Variants in CLSTN2 observed in about 807,000 individuals in gnomAD.
CLSTN2 encodes calsyntenin 2.
CLSTN2 carries 48 observed loss-of-function variants against 101.2 expected under a neutral mutation model. The ratio of observed to expected loss-of-function variants is 0.47; its 90% CI spans 0.38 to 0.60. The LOEUF (loss-of-function observed/expected upper bound fraction) is 0.60, where lower values mean the gene tolerates loss of function less well. Among genes scored for constraint, CLSTN2 ranks in the 20% least tolerant of loss-of-function variants. The pLI, the probability that CLSTN2 is intolerant of heterozygous loss-of-function variation, is 0.00. For synonymous variants in CLSTN2, 481 were observed against 463.6 expected (o/e 1.04, Z -0.48); for missense variants, 1,160 against 1,238.2 (o/e 0.94, Z 0.95).
intron 1 of CLSTN2, among the ~76,000 whole-genome samples, chr3:140,144,325 G>A (rs1378979605): frequency 6.6e-6 from 1 of 152,134 alleles, no homozygotes; most frequent in Non-Finnish European, 1.5e-5. Flanking sequence ...TACTTAAAAT[G>A]GGCCGGGTGT....
At chr3:140,324,205 T>TA (rs1231311676) in intron 2 of CLSTN2, among the ~76,000 whole-genome samples, 2 of 152,224 alleles carry the variant, frequency 1.3e-5, no homozygotes, top group African/African-American at 4.8e-5. Flanking sequence ...CTCAGTTATT[T>TA]AAAAATTGTC....
intron 1 of CLSTN2, among the ~76,000 whole-genome samples, chr3:140,137,608 G>A (rs1261253961): frequency 1.3e-5 from 2 of 152,206 alleles, no homozygotes; most frequent in Non-Finnish European, 2.9e-5. Flanking sequence ...GTAATGACGA[G>A]ATTTGAATGT....
At chr3:140,126,603 A>G (rs1480517390) in intron 1 of CLSTN2, among the ~76,000 whole-genome samples, 2 of 152,164 alleles carry the variant, frequency 1.3e-5, no homozygotes, top group African/African-American at 2.4e-5. Context: ...TTTGGAGATC[A>G]GGGAGGGATA....
chr3:140,257,901 G>T (rs565807812), intron 2 of CLSTN2, among the ~76,000 whole-genome samples: 2 of 152,232 alleles, frequency 1.3e-5, no homozygotes, highest in South Asian at 2.1e-4. Context: ...TGGGTCAAAA[G>T]ATATAAACAT....
chr3:140,102,442 C>A (rs978081481), intron 1 of CLSTN2, among the ~76,000 whole-genome samples: 1 of 152,182 alleles, frequency 6.6e-6, no homozygotes, highest in East Asian at 1.9e-4. Context: ...GAGCAGGTGA[C>A]TTCAGGCCCT....
At chr3:140,531,108 G>C (rs771756093) in intron 8 of CLSTN2, among the ~76,000 whole-genome samples, 1 of 152,156 alleles carries the variant, frequency 6.6e-6, no homozygotes, top group Non-Finnish European at 1.5e-5. Flanking sequence ...CCTGCACCCA[G>C]CCCAGGGTTT....
chr3:140,551,265 T>C (rs1379089320), intron 10 of CLSTN2, among the ~76,000 whole-genome samples: 2 of 152,172 alleles, frequency 1.3e-5, no homozygotes, highest in East Asian at 1.9e-4. Context: ...GTCGAGAGAA[T>C]TGAGGCCCTT....
intron 2 of CLSTN2, among the ~76,000 whole-genome samples, chr3:140,346,906 A>C (rs748156074): frequency 2.0e-5 from 3 of 152,238 alleles, no homozygotes; most frequent in Non-Finnish European, 2.9e-5. Flanking sequence ...CCTTACCTAA[A>C]CTAGTAGCAC....
chr3:140,518,468 C>T (rs923579195), intron 8 of CLSTN2, among the ~76,000 whole-genome samples: 5 of 152,208 alleles, frequency 3.3e-5, no homozygotes, highest in African/African-American at 9.6e-5. Flanking sequence ...TCTTAGAGAG[C>T]CCCCAGGGCT....
At chr3:140,207,285 G>A (rs1262245408) in intron 2 of CLSTN2, among the ~76,000 whole-genome samples, 2 of 152,172 alleles carry the variant, frequency 1.3e-5, no homozygotes, top group Non-Finnish European at 2.9e-5. Context: ...GTATGCCTTA[G>A]TAAGAAACTT....
chr3:139,969,618 G>A (rs1935660269), intron 1 of CLSTN2, among the ~76,000 whole-genome samples: 1 of 152,110 alleles, frequency 6.6e-6, no homozygotes, highest in South Asian at 2.1e-4. Flanking sequence ...CTCCCTGTTA[G>A]TCTGCAAAAC....
At chr3:140,477,228 G>C (rs911840105) in intron 8 of CLSTN2, among the ~76,000 whole-genome samples, 2 of 152,168 alleles carry the variant, frequency 1.3e-5, no homozygotes, top group African/African-American at 2.4e-5. Flanking sequence ...CTACTCATTA[G>C]TTTAGCTAAA....
chr3:140,525,545 G>A (rs894767612), intron 8 of CLSTN2, among the ~76,000 whole-genome samples: 3 of 152,108 alleles, frequency 2.0e-5, no homozygotes, highest in Non-Finnish European at 4.4e-5. Context: ...CCAAAAAATT[G>A]AAGAGAAGGA....
intron 1 of CLSTN2, among the ~76,000 whole-genome samples, chr3:140,068,668 G>A (rs1185623907): frequency 6.6e-6 from 1 of 152,250 alleles, no homozygotes; most frequent in Non-Finnish European, 1.5e-5. Context: ...GGAATATTCA[G>A]TTTCTGATGG....
intron 8 of CLSTN2, among the ~76,000 whole-genome samples, chr3:140,489,312 G>C (rs1187902513): frequency 6.6e-6 from 1 of 152,162 alleles, no homozygotes; most frequent in African/African-American, 2.4e-5. Flanking sequence ...ATTAAGTTCT[G>C]CACTTGTTTT....
At chr3:140,466,496 A>G in intron 7 of CLSTN2, 114 bp from the exon 8 acceptor site, 1 of 1,179,112 alleles carries the variant, frequency 8.5e-7, no homozygotes, top group Non-Finnish European at 1.2e-6. Flanking sequence ...AGAAGACTGG[A>G]GTGCCCATGC....
intron 1 of CLSTN2, among the ~76,000 whole-genome samples, chr3:140,121,163 C>T (rs2009333954): frequency 1.3e-5 from 2 of 152,098 alleles, no homozygotes; most frequent in South Asian, 2.1e-4. Context: ...CTAGAAATGA[C>T]AAGAGGATGA....
intron 2 of CLSTN2, among the ~76,000 whole-genome samples, chr3:140,365,328 T>G (rs1014266453): frequency 6.6e-6 from 1 of 151,956 alleles, no homozygotes; most frequent in Non-Finnish European, 1.5e-5. Flanking sequence ...CAGGGCAGCT[T>G]TGAGCCAAGC....
At chr3:139,965,607 A>G (rs1334995125) in intron 1 of CLSTN2, among the ~76,000 whole-genome samples, 1 of 152,032 alleles carries the variant, frequency 6.6e-6, no homozygotes, top group African/African-American at 2.4e-5. Context: ...ACCCACTTGC[A>G]TTTTCTCAGA....
Sources: allele counts gnomAD v4.1 joint callset (sites outside exome capture counted in the v4.1 genomes callset), GRCh38; gene constraint gnomAD v4.1.1; transcripts MANE v1.5; gene names NCBI Gene and HGNC (gene_info 2026-07-23, HGNC 2026-07-21).